The following NEMF variants were observed in gnomAD, a reference collection of about 807,000 sequenced individuals.
NEMF encodes nuclear export mediator factor, also known as ribosome quality control complex subunit NEMF.
Under a neutral mutation model 162.2 loss-of-function variants are expected in NEMF, and 89 were observed. The ratio of observed to expected loss-of-function variants is 0.55; its 90% confidence interval spans 0.46 to 0.65. The LOEUF (loss-of-function observed/expected upper bound fraction) is 0.65, where lower values mean the gene tolerates loss of function less well. Ranked by LOEUF, NEMF falls within the 30% of genes least tolerant of loss-of-function variation. The probability of loss-of-function intolerance (pLI) is 0.00; values close to 1 mark genes in which losing one functional copy is unlikely to be tolerated. For missense variants in NEMF, 1,133 were observed against 1,261.9 expected, an observed-to-expected ratio of 0.90 and a Z score of 1.55; for synonymous variants, 421 against 404.5, an observed-to-expected ratio of 1.04 and a Z score of -0.49.
intron 16 of NEMF, among the ~76,000 whole-genome samples, chr14:49,822,669 A>T (rs1220770783): frequency 0.012 from 7 of 596 alleles, no homozygotes; most frequent in African/African-American, 0.025. Flanking sequence ...GTCTCTACTT[A>T]AAAAAAAAAA....
chr14:49,835,068 C>T (rs1761156016), intron 6 of NEMF, among the ~76,000 whole-genome samples: 1 of 152,086 alleles, frequency 6.6e-6, no homozygotes, highest in Admixed American at 6.5e-5. Flanking sequence ...GGCGTGGTGG[C>T]ACATGCCTGT....
intron 23 of NEMF, 23 bp from the exon 24 acceptor site, chr14:49,799,701 G>T (rs773479763): frequency 3.1e-6 from 5 of 1,594,116 alleles, no homozygotes; most frequent in East Asian, 2.2e-5. Flanking sequence ...ACACAAGGGA[G>T]TCTCTACTAG....
At chr14:49,807,665 C>T (rs1193231603) in intron 18 of NEMF, among the ~76,000 whole-genome samples, 13 of 148,498 alleles carry the variant, frequency 8.8e-5, no homozygotes, top group African/African-American at 2.7e-4. Context: ...GGCGTGATCT[C>T]GGCTCACTGC....
chr14:49,834,336 A>C, intron 7 of NEMF, 27 bp downstream of exon 7: 2 of 1,463,230 alleles, frequency 1.4e-6, no homozygotes, highest in Non-Finnish European at 1.9e-6. Context: ...AAATGAAATA[A>C]ATGAAAAATG....
At chr14:49,806,256 A>ATATATATTTTTTT (rs1458069194) in intron 18 of NEMF, 123 bp from the exon 19 acceptor site, 1 of 38,542 alleles carries the variant, frequency 2.6e-5, no homozygotes, top group Non-Finnish European at 4.2e-5. Context: ...ATATATATAT[A>ATATATATTTTTTT]TTTTTTTTTT....
Position 49,802,600 on chromosome 14 carries a change from C to T in NEMF, c.1975-27G>A, listed in dbSNP as rs144496416. The T allele has an allele frequency of 9.6e-4, 1,553 of 1,612,364 alleles. 10 individuals are homozygous for T. In the African/African-American group the frequency reaches 0.014, roughly 14 times the overall value. On this transcript the variant is annotated intron_variant, in intron 21 of 32. Coordinates refer to ENST00000298310, the MANE Select transcript of NEMF (RefSeq NM_004713.6). The stretch of plus-strand genomic sequence containing the variant: ...TAAAGAAACAGTTATTTTTCAGTGA[C>T]GGAGCTTCAGACAAGACTAATGAAA...
intron 3 of NEMF, among the ~76,000 whole-genome samples, chr14:49,847,365 G>A (rs1163531483): frequency 1.3e-5 from 2 of 151,520 alleles, no homozygotes; most frequent in Non-Finnish European, 2.9e-5. Context: ...TACCACGCCT[G>A]GCTAATTTTT....
In NEMF at chr14:49,783,169, G is replaced by A. The variant is rs1889993392; in HGVS notation, c.*1467C>T. On this transcript the variant is annotated 3_prime_UTR_variant, in exon 33 of 33. Coordinates refer to ENST00000298310, the MANE Select transcript of NEMF (RefSeq NM_004713.6). ...TGTCCTCTATTAAAGTAAAGTAATG[G>A]TTGGGCTTTTTACCCTGAAGAATGG... The A allele has an allele frequency of 2.7e-6, 1 of 365,320 alleles. No homozygotes were observed. The highest frequency in any genetic ancestry group is 2.1e-5 in the African/African-American group (1 of 47,554). 22.6% of individuals were successfully genotyped at this position (365,320 alleles called of 1,614,324 possible).
intron 11 of NEMF, among the ~76,000 whole-genome samples, chr14:49,830,774 T>C (rs1367583839): frequency 2.6e-5 from 4 of 152,268 alleles, no homozygotes; most frequent in Admixed American, 1.3e-4. Flanking sequence ...CTATTAACAA[T>C]TTATGAAACT....
chr14:49,834,575 AC>A, intron 6 of NEMF, 126 bp from the exon 7 acceptor site: 1 of 592,368 alleles, frequency 1.7e-6, no homozygotes, highest in Non-Finnish European at 3.0e-6. Context: ...GCTCACTGCA[AC>A]CTCTGCCTCC....
intron 28 of NEMF, among the ~76,000 whole-genome samples, chr14:49,788,137 G>A (rs977578244): frequency 6.6e-6 from 1 of 152,104 alleles, no homozygotes; most frequent in Non-Finnish European, 1.5e-5. Flanking sequence ...AAATAAGCCA[G>A]GCGTGATGGT....
chr14:49,851,630 C>T lies in NEMF; in HGVS notation c.164G>A (p.Gly55Asp), dbSNP rs376684939. 1.9e-6 allele frequency: 3 copies of T among 1,613,624 alleles called. No individual in the cohort carries two copies. The highest frequency in any genetic ancestry group is 2.5e-6 in the Non-Finnish European group (3 of 1,179,890). ...DFKATLLLES[G>D]IRIHTTEFEW... ...AAATTCTGTTGTATGAATTCGTATG[C>T]CAGATTCAAGTAAAAGTGTAGCTTT... The change falls in exon 3 of 33, where the codon GGC becomes GAC. Residue 55 changes from glycine (G) to aspartate (D), a missense_variant. Around this residue, in one of 3 missense-constraint regions of NEMF, gnomAD observed 582 missense variants for 631.5 expected, o/e 0.92. Transcript: ENST00000298310.
chr14:49,784,815 G>C (rs1013678716), intron 32 of NEMF, 102 bp from the exon 33 acceptor site: 3 of 1,396,454 alleles, frequency 2.1e-6, no homozygotes, highest in Non-Finnish European at 3.0e-6. Context: ...AGCTGAGATG[G>C]TTTTACTGCT....
chr14:49,852,776 C>G lies in NEMF; in HGVS notation c.-23G>C, dbSNP rs761748850. 2 of 1,613,940 alleles carry G rather than the reference C, an allele frequency of 1.2e-6. No homozygotes were observed. Among genetic ancestry groups the G allele is most frequent in the South Asian group, 2.2e-5 (2 of 91,088 alleles). ...CATGGCGAGGCCCGAGGGTCACTAC[C>G]GCAAGTTCCTCTACTGCCCGGCCGG... On this transcript the variant is annotated 5_prime_UTR_variant, in exon 1 of 33. Coordinates refer to ENST00000298310, the MANE Select transcript of NEMF (RefSeq NM_004713.6).
rs959769292 is a variant in NEMF, at chr14:49,783,006, C to A, written c.*1630G>T. 2 of 1,563,958 alleles carry A rather than the reference C, an allele frequency of 1.3e-6. No individual in the cohort carries two copies. Among genetic ancestry groups the A allele is most frequent in the African/African-American group, 2.7e-5 (2 of 73,406 alleles). ...CTTGCATGGACAGCAATCCTGTAAA[C>A]ATCACAGAGTGGCATCATTTGTATA... On this transcript the variant is annotated 3_prime_UTR_variant, in exon 33 of 33. Coordinates refer to ENST00000298310, the MANE Select transcript of NEMF (RefSeq NM_004713.6).
At chr14:49,791,429 GATGT>G (rs1198644283) in intron 26 of NEMF, among the ~76,000 whole-genome samples, 9 of 151,690 alleles carry the variant, frequency 5.9e-5, no homozygotes, top group Non-Finnish European at 1.3e-4. Context: ...TGGTTTCACA[GATGT>G]GTGTGCTTAT....
chr14:49,817,863 A>G (rs1891795171), intron 16 of NEMF, among the ~76,000 whole-genome samples: 1 of 152,208 alleles, frequency 6.6e-6, no homozygotes, highest in Non-Finnish European at 1.5e-5. Flanking sequence ...TCACAGGTGA[A>G]TTTCATCAGC....
At chr14:49,820,738 C>T (rs974146810) in intron 16 of NEMF, among the ~76,000 whole-genome samples, 11 of 152,166 alleles carry the variant, frequency 7.2e-5, no homozygotes, top group Non-Finnish European at 1.3e-4. Context: ...CTGCCTCAGC[C>T]TGCCGAGTGC....
intron 18 of NEMF, 102 bp from the exon 19 acceptor site, chr14:49,806,235 T>C (rs1352874096): frequency 8.6e-4 from 10 of 11,598 alleles, no homozygotes; most frequent in South Asian, 7.4e-3. Flanking sequence ...GATATGTGTA[T>C]ATATATATAT....
Sources: allele counts gnomAD v4.1 joint callset (sites outside exome capture counted in the v4.1 genomes callset), GRCh38; gene constraint gnomAD v4.1.1; regional missense constraint gnomAD v4.1.1; transcripts MANE v1.5; gene names NCBI Gene and HGNC (gene_info 2026-07-23, HGNC 2026-07-21).